Variants in GPSM3 observed in about 807,000 individuals in gnomAD.
The protein encoded by GPSM3 is G protein signaling modulator 3, also known as G protein-signaling modulator 3.
A neutral mutation model predicts 20.4 loss-of-function variants in GPSM3; 16 were observed. That is an observed-to-expected ratio of 0.78 (90% confidence interval 0.53 to 1.19). GPSM3 has a LOEUF of 1.19. Among genes scored for constraint, GPSM3 ranks in the 50% most tolerant of loss-of-function variants. The pLI is 0.00. For synonymous variants in GPSM3, 70 were observed against 79.6 expected (o/e 0.88, Z 0.64); for missense variants, 177 against 204.6 (o/e 0.86, Z 0.82).
chr6:32,193,773 G>A (rs1787691976), upstream of GPSM3, among the ~76,000 whole-genome samples: 2 of 152,166 alleles, frequency 1.3e-5, no homozygotes. The surrounding 1 kb of genome is among the most constrained non-coding windows in gnomAD (Gnocchi z 4.7). Flanking sequence ...GAAAAAGAAA[G>A]AAATGAAATG....
At position 32,192,324 on chromosome 6, in the gene GPSM3, A is replaced by G; in HGVS notation, c.43-74T>C. 3 of 1,364,930 alleles carry G rather than the reference A, an allele frequency of 2.2e-6. No individual in the cohort carries two copies. In the Admixed American group the frequency reaches 6.4e-5, roughly 29 times the overall value. The allele number at this position is 1,364,930 out of a possible 1,614,324, so 84.6% of individuals were successfully genotyped here. A position where few individuals can be genotyped will look rare whatever the true frequency, so the allele number is the denominator to read the frequency against. On this transcript the variant is annotated intron_variant, in intron 1 of 3. Transcript: ENST00000375040. This position sits in a 1 kb window ranked among gnomAD's most constrained non-coding sequence, Gnocchi z 5.1. ...GGAGGAGTGGACAGGGGGCTAGGCC[A>G]GTGGCCCGTTTCCTCTCTGTGTGTC... is the stretch of plus-strand genomic sequence containing the variant.
upstream of GPSM3, chr6:32,192,961 T>G: frequency 6.3e-6 from 1 of 159,444 alleles, no homozygotes; most frequent in Non-Finnish European, 1.4e-5. The surrounding 1 kb of genome is among the most constrained non-coding windows in gnomAD (Gnocchi z 5.1). Flanking sequence ...AGAATCCCCC[T>G]CCCCCCAGCC....
At chr6:32,195,316 A>T, upstream of GPSM3, 1 of 919,480 alleles carries the variant, frequency 1.1e-6, no homozygotes, top group Non-Finnish European at 1.6e-6. The surrounding 1 kb of genome is among the most constrained non-coding windows in gnomAD (Gnocchi z 5.4). Context: ...CATTCATTTT[A>T]GGAGAGAAAC....
Position 32,191,796 on chromosome 6 carries a change from G to C in GPSM3, c.258C>G (p.Thr86=). 1 of 1,612,368 alleles carries C rather than the reference G, an allele frequency of 6.2e-7. No individual in the cohort carries two copies. The highest frequency in any genetic ancestry group is 8.5e-7 in the Non-Finnish European group (1 of 1,179,608). The change falls in exon 3 of 4, where the codon ACC becomes ACG. Residue 86 remains threonine (T), a synonymous_variant. Coordinates refer to ENST00000375040, the MANE Select transcript of GPSM3 (RefSeq NM_001276501.2). This position sits in a 1 kb window ranked among gnomAD's most constrained non-coding sequence, Gnocchi z 5.9. ...RLEEQRATFY[T]PQNPSSLAPA... is the part of the protein sequence containing the mutation. ...GGGCTAGGCTTGAGGGGTTTTGGGG[G>C]GTGTAGAAGGTGGCCCTCTGCTCCT...
Position 32,191,365 on chromosome 6 carries a change from C to G in GPSM3, c.*1G>C. ...AGGAAGGGCTGGTTGGGGCTCAAGT[C>G]TCAGCAGGTGTGTGTGGGGGGCCGG... On this transcript the variant is annotated 3_prime_UTR_variant, in exon 4 of 4. Transcript: ENST00000375040. The surrounding 1 kb of genome is among the most constrained non-coding windows in gnomAD (Gnocchi z 5.9). 6.3e-7 allele frequency: 1 copy of G among 1,577,486 alleles called. No individual in the cohort carries two copies. The highest frequency in any genetic ancestry group is 1.2e-5 in the South Asian group (1 of 85,392).
Position 32,191,633 on chromosome 6 carries a change from C to T in GPSM3, c.345+76G>A. ...AGGCGATGGGGTGCCTAGGGAGAAA[C>T]AGGAGTAGAGCCCCAAAGAGAACAG... On this transcript the variant is annotated intron_variant, in intron 3 of 3. Transcript: ENST00000375040. This position sits in a 1 kb window ranked among gnomAD's most constrained non-coding sequence, Gnocchi z 5.9. 3 of 1,481,076 alleles carry T rather than the reference C, an allele frequency of 2.0e-6. No homozygotes were observed. Among genetic ancestry groups the T allele is most frequent in the Non-Finnish European group, 1.8e-6 (2 of 1,097,228 alleles). The allele number at this position is 1,481,076 out of a possible 1,614,324, so 91.7% of individuals were successfully genotyped here.
chr6:32,193,500 CA>C (rs1561903854), upstream of GPSM3, among the ~76,000 whole-genome samples: 1 of 151,496 alleles, frequency 6.6e-6, no homozygotes, highest in Non-Finnish European at 1.5e-5. This position sits in a 1 kb window ranked among gnomAD's most constrained non-coding sequence, Gnocchi z 4.7. Flanking sequence ...ACTCCGTCTC[CA>C]AAATAAAATA....
chr6:32,193,085 G>A (rs1040119152), upstream of GPSM3: 3 of 153,132 alleles, frequency 2.0e-5, no homozygotes, highest in South Asian at 2.0e-4. The surrounding 1 kb of genome is among the most constrained non-coding windows in gnomAD (Gnocchi z 4.7). Flanking sequence ...GGAGGATTCA[G>A]ATCCAGGGAT....
At chr6:32,195,089 G>A (rs1385482082), upstream of GPSM3, 1 of 308,110 alleles carries the variant, frequency 3.2e-6, no homozygotes, top group Non-Finnish European at 6.0e-6. The surrounding 1 kb of genome is among the most constrained non-coding windows in gnomAD (Gnocchi z 5.4). Flanking sequence ...GGATCATAGG[G>A]GCACCCTTTG....
At chr6:32,194,440 A>G (rs1161215419), upstream of GPSM3, 2 of 152,202 alleles carry the variant, frequency 1.3e-5, no homozygotes, top group African/African-American at 4.8e-5. The surrounding 1 kb of genome is among the most constrained non-coding windows in gnomAD (Gnocchi z 4.5). Flanking sequence ...GAAGCGAGAA[A>G]CTTAGATCCC....
rs761342418 is a variant in GPSM3 at position 32,192,202 on chromosome 6, G to A, written c.91C>T (p.Arg31Trp). 7.9e-6 allele frequency: 12 copies of A among 1,512,112 alleles called. No individual in the cohort carries two copies. In the African/African-American group the frequency reaches 9.8e-5, roughly 12 times the overall value. The allele number at this position is 1,512,112 out of a possible 1,614,324, so 93.7% of individuals were successfully genotyped here. The change falls in exon 2 of 4, where the codon CGG becomes TGG. Residue 31 changes from arginine to tryptophan, a missense_variant. By Grantham distance (101) the Arg-to-Trp change is moderately radical (BLOSUM62 -3). Coordinates refer to ENST00000375040, the MANE Select transcript of GPSM3 (RefSeq NM_001276501.2). The surrounding 1 kb of genome is among the most constrained non-coding windows in gnomAD (Gnocchi z 5.1). The stretch of plus-strand genomic sequence containing the variant: ...GATGGAGGAGCAGATCGCCAAGGCC[G>A]AGTGGTGGAGTTTGGAGGGGGCCAG... Reference protein sequence around the residue: ...EGWPPPNSTTRPWRSAPPSPP... With the variant: ...EGWPPPNSTTWPWRSAPPSPP...
chr6:32,192,993 T>C (rs187844603), upstream of GPSM3: 185 of 155,542 alleles, frequency 1.2e-3, no homozygotes, highest in Middle Eastern at 3.3e-3. The surrounding 1 kb of genome is among the most constrained non-coding windows in gnomAD (Gnocchi z 5.1). Context: ...CTCCCTAAGA[T>C]AGACCCTGGT....
chr6:32,193,426 G>A (rs1380271276), upstream of GPSM3, among the ~76,000 whole-genome samples: 2 of 152,198 alleles, frequency 1.3e-5, no homozygotes, highest in Non-Finnish European at 2.9e-5. This position sits in a 1 kb window ranked among gnomAD's most constrained non-coding sequence, Gnocchi z 4.7. Flanking sequence ...CTTGAACCCG[G>A]GAGGCGGAGG....
Position 32,191,935 on chromosome 6 carries a change from G to T in GPSM3, c.146-27C>A. 6.2e-7 allele frequency: 1 copy of T among 1,601,260 alleles called. No individual in the cohort carries two copies. Among genetic ancestry groups the T allele is most frequent in the Non-Finnish European group, 8.5e-7 (1 of 1,171,188 alleles). ...TGGGGAGAGGGGTGTGGAGGGCTCA[G>T]AGACCCAGAGAGGTTGGCAGACAGG... is the stretch of plus-strand genomic sequence containing the variant. On this transcript the variant is annotated intron_variant, in intron 2 of 3. Transcript: ENST00000375040. The surrounding 1 kb of genome is among the most constrained non-coding windows in gnomAD (Gnocchi z 5.9).
rs1275485877 is a variant in GPSM3, at chr6:32,191,378, T to A, written c.471A>T (p.Thr157=). The A allele has an allele frequency of 1.1e-5, 17 of 1,583,034 alleles. No homozygotes were observed. The highest frequency in any genetic ancestry group is 1.5e-5 in the Non-Finnish European group (17 of 1,169,510). Residue 157 remains threonine (T), a synonymous_variant, in exon 4 of 4, where the codon ACA becomes ACT. Coordinates refer to ENST00000375040, the MANE Select transcript of GPSM3 (RefSeq NM_001276501.2). This position sits in a 1 kb window ranked among gnomAD's most constrained non-coding sequence, Gnocchi z 5.9. ...RMEEQRSRPP[T]HTC ...TGGGGCTCAAGTCTCAGCAGGTGTGTGTGGGGGGCCGGGACCTTTGCTCCT... is the reference window on the plus strand; with the variant it reads ...TGGGGCTCAAGTCTCAGCAGGTGTGAGTGGGGGGCCGGGACCTTTGCTCCT...
At position 32,192,126 on chromosome 6, in the gene GPSM3, C is replaced by G; in HGVS notation, c.145+22G>C. On this transcript the variant is annotated intron_variant, in intron 2 of 3. Coordinates refer to ENST00000375040, the MANE Select transcript of GPSM3 (RefSeq NM_001276501.2). The surrounding 1 kb of genome is among the most constrained non-coding windows in gnomAD (Gnocchi z 5.1). ...GGATGTGGGCACTAGGGTCGGGGCT[C>G]TCCCTGGGTGGGTAGGGGTACCTGT... The G allele has an allele frequency of 6.7e-7, 1 of 1,497,998 alleles. No homozygotes were observed. The highest frequency in any genetic ancestry group is 8.9e-7 in the Non-Finnish European group (1 of 1,118,368). The allele number at this position is 1,497,998 out of a possible 1,614,324, so 92.8% of individuals were successfully genotyped here.
chr6:32,194,596 G>A (rs1241915484), upstream of GPSM3: 1 of 170,096 alleles, frequency 5.9e-6, no homozygotes, highest in Non-Finnish European at 1.3e-5. The surrounding 1 kb of genome is among the most constrained non-coding windows in gnomAD (Gnocchi z 4.5). Context: ...ACCAGTACCA[G>A]TCTGTGGCCC....
rs932650509 is a variant in GPSM3, at chr6:32,192,597, G to A, written c.-84C>T. On this transcript the variant is annotated 5_prime_UTR_variant, in exon 1 of 4. Transcript: ENST00000375040. This position sits in a 1 kb window ranked among gnomAD's most constrained non-coding sequence, Gnocchi z 5.1. ...AACCTTGGGTTCCTGAGGGGAGTGG[G>A]GGCTGGAAGGGGTGGGGGTGAGCTG... 1.8e-4 allele frequency: 157 copies of A among 893,260 alleles called. No homozygotes were observed. In the African/African-American group the frequency reaches 2.4e-3, roughly 14 times the overall value. 55.3% of individuals were successfully genotyped at this position (893,260 alleles called of 1,614,324 possible). A position where few individuals can be genotyped will look rare whatever the true frequency, so the allele number is the denominator to read the frequency against.
chr6:32,195,196 CCTGT>C, upstream of GPSM3: 1 of 535,136 alleles, frequency 1.9e-6, no homozygotes, highest in South Asian at 2.8e-5. The surrounding 1 kb of genome is among the most constrained non-coding windows in gnomAD (Gnocchi z 5.4). Flanking sequence ...CCTCCTGTGG[CCTGT>C]CTTATTTTCT....
Sources: gnomAD v4.1 joint callset for allele counts (sites outside exome capture counted in the v4.1 genomes callset) on GRCh38, gnomAD v4.1.1 for gene constraint, Gnocchi (gnomAD v3.1) non-coding constraint, MANE v1.5 for transcripts, NCBI Gene and HGNC (gene_info 2026-07-23, HGNC 2026-07-21) for gene names.